PKHD1: variants seen among roughly 807,000 people sequenced by gnomAD.
PKHD1 encodes the protein PKHD1 ciliary IPT domain containing fibrocystin/polyductin.
In PKHD1, 291 loss-of-function variants were observed where a neutral mutation model predicts 412.0. The observed-to-expected ratio is 0.71, with a 90% CI of 0.64 to 0.78. The LOEUF (loss-of-function observed/expected upper bound fraction) is 0.78. PKHD1 is among the 30% of genes least tolerant of loss of function. The pLI, the probability that PKHD1 is intolerant of heterozygous loss-of-function variation, is 0.00. For missense variants in PKHD1, 4,825 were observed against 4,950.7 expected (o/e 0.97, Z 0.76); for synonymous variants, 1,777 against 1,821.5 (o/e 0.98, Z 0.62).
At chr6:51,721,103 A>T in intron 60 of PKHD1, 1 of 983,958 alleles carries the variant, frequency 1.0e-6, no homozygotes, top group Non-Finnish European at 1.2e-6. Context: ...TATTTCCTCC[A>T]TCAGTGCACA....
intron 43 of PKHD1, 58 bp from the exon 44 acceptor site, chr6:51,887,303 A>G: frequency 3.7e-6 from 4 of 1,071,656 alleles, no homozygotes; most frequent in Non-Finnish European, 4.4e-6. Flanking sequence ...AGGTTGCTGG[A>G]AAGAAAGACT....
chr6:51,905,064 G>C (rs991734944), intron 41 of PKHD1, among the ~76,000 whole-genome samples: 1 of 152,182 alleles, frequency 6.6e-6, no homozygotes, highest in African/African-American at 2.4e-5. Context: ...TCTCAGGATA[G>C]AACTTTTATA....
At chr6:51,634,629 C>T (rs373494376) in intron 64 of PKHD1, among the ~76,000 whole-genome samples, 1 of 152,084 alleles carries the variant, frequency 6.6e-6, no homozygotes, top group Non-Finnish European at 1.5e-5. Context: ...GTGACACATG[C>T]CACTAGAATA....
intron 37 of PKHD1, among the ~76,000 whole-genome samples, chr6:51,915,973 C>G (rs1313663997): frequency 1.3e-5 from 2 of 152,070 alleles, no homozygotes; most frequent in Non-Finnish European, 2.9e-5. Flanking sequence ...TATCCACAGG[C>G]TGAGCAGGCT....
At chr6:51,855,430 G>A (rs1198256308) in intron 49 of PKHD1, among the ~76,000 whole-genome samples, 2 of 152,118 alleles carry the variant, frequency 1.3e-5, no homozygotes, top group Admixed American at 6.5e-5. Flanking sequence ...TCCAGCCTGG[G>A]GACTCATACA....
chr6:51,913,055 A>C (rs978046025), intron 37 of PKHD1, among the ~76,000 whole-genome samples: 2 of 152,094 alleles, frequency 1.3e-5, no homozygotes, highest in Non-Finnish European at 2.9e-5. Context: ...CCCTAAGGGT[A>C]TGTTAGTCCT....
intron 63 of PKHD1, among the ~76,000 whole-genome samples, chr6:51,646,482 T>A (rs1052763810): frequency 1.2e-4 from 18 of 152,212 alleles, no homozygotes; most frequent in African/African-American, 4.3e-4. Flanking sequence ...AAAAAACTCT[T>A]GTGACACCCA....
rs964870466 is a variant in PKHD1 at position 51,763,219 on chromosome 6, T to A, written c.8643-8281A>T. On this transcript the variant is annotated intron_variant, in intron 55 of 66. Transcript: ENST00000371117. ...AACTTCTCCAGCCTCAGTTTTCATA[T>A]CCATAAAATGCAGATAATAATACCT... 2.6e-5 allele frequency among the ~76,000 whole-genome samples: 4 copies of A among 152,090 alleles called. No individual in the cohort carries two copies. In the East Asian group the frequency reaches 5.8e-4, roughly 22 times the overall value.
chr6:51,828,293 G>A (rs1231957485), intron 52 of PKHD1, among the ~76,000 whole-genome samples: 3 of 151,908 alleles, frequency 2.0e-5, no homozygotes, highest in Non-Finnish European at 4.4e-5. Flanking sequence ...ACTTGAGCAA[G>A]TTACCCTCTC....
intron 18 of PKHD1, among the ~76,000 whole-genome samples, chr6:52,056,170 C>G (rs1339338291): frequency 6.6e-6 from 1 of 152,110 alleles, no homozygotes; most frequent in Non-Finnish European, 1.5e-5. Context: ...CTTGAAAACC[C>G]TTTAGCATTT....
chr6:51,927,791 A>C (rs1475132058), intron 37 of PKHD1, among the ~76,000 whole-genome samples: 2 of 152,172 alleles, frequency 1.3e-5, no homozygotes, highest in Non-Finnish European at 2.9e-5. Flanking sequence ...TGGATTTGTA[A>C]GTTTCCTCTG....
intron 35 of PKHD1, among the ~76,000 whole-genome samples, chr6:51,987,112 CAGCAAGGCTGAG>C (rs759537151): frequency 8.5e-5 from 13 of 152,320 alleles, no homozygotes; most frequent in Non-Finnish European, 1.8e-4. Flanking sequence ...GAACACCAAC[CAGCAAGGCTGAG>C]AGAGCCCTCC....
chr6:51,791,153 T>C (rs748809724), intron 53 of PKHD1, 83 bp downstream of exon 53: 25 of 1,395,746 alleles, frequency 1.8e-5, no homozygotes, highest in Non-Finnish European at 2.0e-5. Flanking sequence ...AGCAACCTGC[T>C]TGATGATACC....
intron 36 of PKHD1, 138 bp from the exon 37 acceptor site, chr6:51,934,460 A>G (rs773504963): frequency 1.4e-6 from 1 of 703,906 alleles, no homozygotes; most frequent in Non-Finnish European, 2.6e-6. Flanking sequence ...TCTCTCTTGT[A>G]GAAGCACAGT....
intron 52 of PKHD1, among the ~76,000 whole-genome samples, chr6:51,824,608 T>C (rs1318524884): frequency 6.6e-6 from 1 of 152,148 alleles, no homozygotes; most frequent in Non-Finnish European, 1.5e-5. Flanking sequence ...TGGAAAATAA[T>C]GTTGATTAAA....
chr6:51,872,039 A>G (rs1367651027), intron 46 of PKHD1, among the ~76,000 whole-genome samples: 1 of 152,188 alleles, frequency 6.6e-6, no homozygotes, highest in Non-Finnish European at 1.5e-5. Flanking sequence ...GAGAGTAGAA[A>G]AAAGGAATTC....
intron 55 of PKHD1, among the ~76,000 whole-genome samples, chr6:51,760,100 T>A (rs935920663): frequency 1.3e-5 from 2 of 152,130 alleles, no homozygotes; most frequent in African/African-American, 4.8e-5. Flanking sequence ...AACTCTATAT[T>A]CTAATACTTA....
intron 49 of PKHD1, among the ~76,000 whole-genome samples, chr6:51,853,729 C>G (rs1772752058): frequency 6.6e-6 from 1 of 152,168 alleles, no homozygotes; most frequent in Admixed American, 6.5e-5. Flanking sequence ...CTTGTGTGTG[C>G]TTCACAAAAT....
intron 60 of PKHD1, among the ~76,000 whole-genome samples, chr6:51,707,254 T>A (rs1780118401): frequency 1.3e-5 from 2 of 152,188 alleles, no homozygotes; most frequent in Non-Finnish European, 2.9e-5. Flanking sequence ...GCATCTTCAC[T>A]CATCCTTTCT....
Sources: gnomAD v4.1 joint callset for allele counts (sites outside exome capture counted in the v4.1 genomes callset) on GRCh38, gnomAD v4.1.1 for gene constraint, MANE v1.5 for transcripts, NCBI Gene and HGNC (gene_info 2026-07-23, HGNC 2026-07-21) for gene names.